ZDHHC5: variants seen among roughly 807,000 people sequenced by gnomAD.
ZDHHC5 encodes palmitoyltransferase ZDHHC5.
Under a neutral mutation model 70.0 loss-of-function variants are expected in ZDHHC5, and 22 were observed. The observed-to-expected ratio is 0.31, with a 90% CI of 0.22 to 0.45. The LOEUF (loss-of-function observed/expected upper bound fraction) is 0.45. Ranked by LOEUF, ZDHHC5 falls within the 20% of genes least tolerant of loss-of-function variation. The pLI, the probability that ZDHHC5 is intolerant of heterozygous loss-of-function variation, is 1.00. For synonymous variants in ZDHHC5, 313 were observed against 347.8 expected (o/e 0.90, Z 1.11); for missense variants, 746 against 926.9 (o/e 0.80, Z 2.53).
At chr11:57,674,552 T>C (rs777164889) in intron 2 of ZDHHC5, among the ~76,000 whole-genome samples, 2 of 152,100 alleles carry the variant, frequency 1.3e-5, no homozygotes, top group Non-Finnish European at 2.9e-5. Context: ...ATGAGGTTGC[T>C]GGAAAGAGGA....
At chr11:57,677,138 G>T (rs1239617367) in intron 2 of ZDHHC5, among the ~76,000 whole-genome samples, 1 of 151,246 alleles carries the variant, frequency 6.6e-6, no homozygotes, top group East Asian at 2.0e-4. Context: ...AGCCAGGATG[G>T]TCGTGATCTC....
Position 57,700,009 on chromosome 11 carries a change from C to T in ZDHHC5, c.2126C>T (p.Thr709Ile). The stretch of plus-strand genomic sequence containing the variant: ...AAGAAGGTGTCAGGGGTTGGTGGTA[C>T]CACCTATGAGATTTCGGTGTGAGCC... The part of the protein sequence containing the change: ...GVKKVSGVGG[T>I]TYEISV Residue 709 changes from threonine (T) to isoleucine (I), a missense_variant, in exon 12 of 12, where the codon ACC becomes ATC. Transcript: ENST00000287169. The T allele has an allele frequency of 6.2e-7, 1 of 1,604,122 alleles. No individual in the cohort carries two copies. The highest frequency in any genetic ancestry group is 8.5e-7 in the Non-Finnish European group (1 of 1,175,412).
In ZDHHC5 at chr11:57,677,677, G is replaced by A. The variant is rs72928063; in HGVS notation, c.104+4483G>A. On this transcript the variant is annotated intron_variant, in intron 2 of 11. Transcript: ENST00000287169. Reference sequence around the variant, plus strand: ...GCTCCCATCCATTATATAGTTTGCGGCTTTTCAGTTTCTGCCTCAGTCCTC... The same window carrying A: ...GCTCCCATCCATTATATAGTTTGCGACTTTTCAGTTTCTGCCTCAGTCCTC... 3.5e-3 allele frequency among the ~76,000 whole-genome samples: 538 copies of A among 152,228 alleles called. 3 individuals are homozygous for A. The highest frequency in any genetic ancestry group is 5.6e-3 in the Admixed American group (86 of 15,278).
chr11:57,696,721 C>G (rs570839964), intron 9 of ZDHHC5, 40 bp from the exon 10 acceptor site: 3 of 1,588,910 alleles, frequency 1.9e-6, no homozygotes, highest in Non-Finnish European at 2.6e-6. Context: ...ACCAAAAAAC[C>G]GCTTGTAAAA....
chr11:57,696,950 A>G, intron 10 of ZDHHC5, 77 bp downstream of exon 10: 1 of 1,465,298 alleles, frequency 6.8e-7, no homozygotes, highest in Non-Finnish European at 9.4e-7. Context: ...TAATCCCAGC[A>G]CTTTGGGAGC....
chr11:57,670,622 G>A (rs910834807), intron 1 of ZDHHC5, among the ~76,000 whole-genome samples: 1 of 152,060 alleles, frequency 6.6e-6, no homozygotes, highest in Non-Finnish European at 1.5e-5. Context: ...GAGGATTTAT[G>A]TTTTCTAGGA....
At chr11:57,697,057 G>A (rs778692812) in intron 10 of ZDHHC5, among the ~76,000 whole-genome samples, 184 bp downstream of exon 10, 4 of 150,290 alleles carry the variant, frequency 2.7e-5, no homozygotes, top group Non-Finnish European at 4.4e-5. Flanking sequence ...TAGGCCAGGC[G>A]TGGTGGCTCA....
chr11:57,696,526 G>A (rs1946353725), intron 9 of ZDHHC5, among the ~76,000 whole-genome samples: 1 of 151,642 alleles, frequency 6.6e-6, no homozygotes, highest in Admixed American at 6.6e-5. Flanking sequence ...GACCACCCTG[G>A]GCAACATAGC....
Position 57,700,121 on chromosome 11 carries a change from C to T in ZDHHC5, c.*90C>T, listed in dbSNP as rs996246810. On this transcript the variant is annotated 3_prime_UTR_variant, in exon 12 of 12. Coordinates refer to ENST00000287169, the MANE Select transcript of ZDHHC5 (RefSeq NM_015457.3). ...TCCTTCCCTCAAGGGGCTCCCCTCC[C>T]GTGCATGGACATTTTTTAAACCACC... 37 of 1,432,904 alleles carry T rather than the reference C, an allele frequency of 2.6e-5. No individual in the cohort carries two copies. The highest frequency in any genetic ancestry group is 8.3e-5 in the Admixed American group (3 of 36,178). 88.8% of individuals were successfully genotyped at this position (1,432,904 alleles called of 1,614,324 possible).
chr11:57,669,254 T>A (rs1445612988), intron 1 of ZDHHC5, among the ~76,000 whole-genome samples: 1 of 152,212 alleles, frequency 6.6e-6, no homozygotes, highest in Non-Finnish European at 1.5e-5. Flanking sequence ...GCATTTAGAT[T>A]TACTCTATTG....
chr11:57,674,141 G>T (rs915441538), intron 2 of ZDHHC5, among the ~76,000 whole-genome samples: 1 of 152,056 alleles, frequency 6.6e-6, no homozygotes, highest in Non-Finnish European at 1.5e-5. Flanking sequence ...AGTTTCTGCC[G>T]AGGGAATGAC....
chr11:57,676,289 A>G (rs911596806), intron 2 of ZDHHC5, among the ~76,000 whole-genome samples: 1 of 152,172 alleles, frequency 6.6e-6, no homozygotes, highest in African/African-American at 2.4e-5. Flanking sequence ...TCATTCCCTG[A>G]ATTTGTCCAG....
chr11:57,699,711 T>C (rs566987986), intron 11 of ZDHHC5, among the ~76,000 whole-genome samples, 155 bp from the exon 12 acceptor site: 28 of 152,368 alleles, frequency 1.8e-4, no homozygotes, highest in Admixed American at 1.0e-3. Flanking sequence ...GGAATCAGGC[T>C]TATTTTAAGC....
chr11:57,694,896 A>G (rs578177595), intron 8 of ZDHHC5, among the ~76,000 whole-genome samples: 1 of 152,308 alleles, frequency 6.6e-6, no homozygotes, highest in South Asian at 2.1e-4. Flanking sequence ...AGATCGCTTG[A>G]GTTCAGGAGC....
Position 57,668,114 on chromosome 11 carries a change from C to T in ZDHHC5, c.-1144C>T, listed in dbSNP as rs557160857. ...AGCGTGCGGGGGCCGCGCGCTGCTT[C>T]TCTGAGGCAGGACGGCACTGCCGGG... On this transcript the variant is annotated 5_prime_UTR_variant, in exon 1 of 12. Coordinates refer to ENST00000287169, the MANE Select transcript of ZDHHC5 (RefSeq NM_015457.3). 5.3e-6 allele frequency: 2 copies of T among 375,688 alleles called. No homozygotes were observed. Among genetic ancestry groups the T allele is most frequent in the South Asian group, 1.3e-4 (1 of 7,438 alleles). 23.3% of individuals were successfully genotyped at this position (375,688 alleles called of 1,614,324 possible). A position where few individuals can be genotyped will look rare whatever the true frequency, so the allele number is the denominator to read the frequency against.
At chr11:57,686,389 C>G (rs886505924) in intron 3 of ZDHHC5, among the ~76,000 whole-genome samples, 1 of 151,582 alleles carries the variant, frequency 6.6e-6, no homozygotes, top group African/African-American at 2.4e-5. Flanking sequence ...CATCTCGGCT[C>G]ACTGCAAACT....
chr11:57,683,308 G>A (rs1233785613), intron 3 of ZDHHC5, among the ~76,000 whole-genome samples: 4 of 152,304 alleles, frequency 2.6e-5, no homozygotes, highest in South Asian at 2.1e-4. Context: ...AAAATAATTC[G>A]TGTAAGAATT....
chr11:57,689,459 C>A (rs1161050295), intron 4 of ZDHHC5, among the ~76,000 whole-genome samples: 1 of 151,906 alleles, frequency 6.6e-6, no homozygotes, highest in African/African-American at 2.4e-5. Context: ...CTCACTGCAT[C>A]CTCCGCCTCC....
At chr11:57,682,676 C>A in intron 3 of ZDHHC5, 133 bp downstream of exon 3, 2 of 1,160,354 alleles carry the variant, frequency 1.7e-6, no homozygotes, top group East Asian at 2.9e-5. Context: ...TGGGCATACG[C>A]AGTTGATCTT....
Sources: allele counts gnomAD v4.1 joint callset (sites outside exome capture counted in the v4.1 genomes callset), GRCh38; gene constraint gnomAD v4.1.1; transcripts MANE v1.5; gene names NCBI Gene and HGNC (gene_info 2026-07-23, HGNC 2026-07-21).